ERC2: variants seen among roughly 807,000 people sequenced by gnomAD.
The protein encoded by ERC2 is ELKS/RAB6-interacting/CAST family member 2, also known as ERC protein 2.
Under a neutral mutation model 114.8 loss-of-function variants are expected in ERC2, and 42 were observed. That is an observed-to-expected ratio of 0.37 (90% CI 0.29 to 0.47). The LOEUF (loss-of-function observed/expected upper bound fraction) is 0.47. Among genes scored for constraint, ERC2 ranks in the 20% least tolerant of loss-of-function variants. ERC2 has a pLI of 0.99. For synonymous variants in ERC2, 454 were observed against 425.5 expected (o/e 1.07, Z -0.82); for missense variants, 939 against 1,150.7 (o/e 0.82, Z 2.66).
intron 3 of ERC2, among the ~76,000 whole-genome samples, chr3:56,201,873 G>A (rs988555255): frequency 2.0e-5 from 3 of 152,122 alleles, no homozygotes; most frequent in Middle Eastern, 3.2e-3. Context: ...TGTTTCCAGC[G>A]AATTCTTCTT....
At chr3:55,651,435 A>G (rs2060617708) in intron 17 of ERC2, among the ~76,000 whole-genome samples, 1 of 152,190 alleles carries the variant, frequency 6.6e-6, no homozygotes, top group Admixed American at 6.5e-5. Context: ...GGCCTTCCCC[A>G]AGAGAAACAT....
chr3:56,466,676 A>G (rs1438425695), intron 1 of ERC2, among the ~76,000 whole-genome samples: 1 of 152,224 alleles, frequency 6.6e-6, no homozygotes, highest in Non-Finnish European at 1.5e-5. Context: ...GTTAACTGTC[A>G]GAACTAAAAG....
chr3:55,954,458 C>G lies in ERC2; in HGVS notation c.2268-3898G>C, dbSNP rs1576345075. Among the ~76,000 whole-genome samples the G allele has an allele frequency of 5.3e-5, 8 of 152,304 alleles. 1 individual carries two copies. The highest frequency in any genetic ancestry group is 5.2e-4 in the Admixed American group (8 of 15,298). ...TCAAATTCTAAGAATAAAGTGTTCT[C>G]TAACTTGCTGGTGAGAACGTGTCAG... On this transcript the variant is annotated intron_variant, in intron 12 of 17. Transcript: ENST00000288221.
At chr3:56,373,793 C>T (rs115886957) in intron 2 of ERC2, among the ~76,000 whole-genome samples, 2,148 of 152,234 alleles carry the variant, frequency 0.014, 57 homozygotes, top group African/African-American at 0.048. Context: ...GTTATGTATT[C>T]ATGTGTTTAT....
intron 3 of ERC2, among the ~76,000 whole-genome samples, chr3:56,278,532 TA>T (rs2054154100): frequency 1.3e-5 from 2 of 152,260 alleles, no homozygotes; most frequent in African/African-American, 2.4e-5. Context: ...TGGTGAAGTT[TA>T]AATGAGGACT....
At chr3:55,535,547 C>T (rs2053943962) in intron 17 of ERC2, among the ~76,000 whole-genome samples, 1 of 152,168 alleles carries the variant, frequency 6.6e-6, no homozygotes, top group Non-Finnish European at 1.5e-5. Context: ...TGGTGTGAGC[C>T]ACCGGCAGCA....
At chr3:56,096,427 ACATCACGCT>A (rs1200191301) in intron 6 of ERC2, among the ~76,000 whole-genome samples, 1 of 152,218 alleles carries the variant, frequency 6.6e-6, no homozygotes, top group East Asian at 1.9e-4. Flanking sequence ...CAAAGCCAAG[ACATCACGCT>A]CAGAAGGAGG....
At position 55,539,415 on chromosome 3, in the gene ERC2, CTTTTTTTTTTTT is replaced by C. The variant is rs58749389; in HGVS notation, c.*40-28151_*40-28140del. On this transcript the variant is annotated intron_variant, in intron 17 of 17. Coordinates refer to ENST00000288221, the MANE Select transcript of ERC2 (RefSeq NM_015576.3). ...TCTCTCTCTCTCTCTTTTTTTCTTT[CTTTTTTTTTTTT>C]TTTTTTTTTTTTTTTGATGGAGTCT... Among the ~76,000 whole-genome samples, 6 of 39,106 alleles carry C rather than the reference CTTTTTTTTTTTT, an allele frequency of 1.5e-4. No homozygotes were observed. In the East Asian group the frequency reaches 6.5e-3, roughly 43 times the overall value. The allele number at this position is 39,106 out of a possible 152,430, so 25.7% of individuals were successfully genotyped here. A position where few individuals can be genotyped will look rare whatever the true frequency, so the allele number is the denominator to read the frequency against.
intron 12 of ERC2, among the ~76,000 whole-genome samples, chr3:55,980,735 G>T (rs4974156): frequency 0.086 from 12,885 of 149,422 alleles, 724 homozygotes; most frequent in African/African-American, 0.14. Flanking sequence ...ACAGGGAAAA[G>T]AAAAGGTTTT....
chr3:56,088,825 C>G (rs2149780261), intron 6 of ERC2, among the ~76,000 whole-genome samples: 1 of 152,178 alleles, frequency 6.6e-6, no homozygotes, highest in East Asian at 1.9e-4. Flanking sequence ...ACATGTAAAG[C>G]ACTTAGCATG....
At chr3:56,128,145 C>G (rs73078456) in intron 6 of ERC2, among the ~76,000 whole-genome samples, 1 of 152,072 alleles carries the variant, frequency 6.6e-6, no homozygotes, top group African/African-American at 2.4e-5. Flanking sequence ...CCAACACAAG[C>G]TCTCCTATTC....
At chr3:55,843,113 A>G (rs917658344) in intron 14 of ERC2, among the ~76,000 whole-genome samples, 1 of 152,220 alleles carries the variant, frequency 6.6e-6, no homozygotes, top group Non-Finnish European at 1.5e-5. Flanking sequence ...GGATGTAGCC[A>G]TGTGACTAAG....
chr3:56,293,655 T>C (rs954288418), intron 3 of ERC2, among the ~76,000 whole-genome samples: 1 of 152,208 alleles, frequency 6.6e-6, no homozygotes. Context: ...TGAGCTAAAA[T>C]AAGGGCTACC....
chr3:56,033,864 T>G (rs1404678700), intron 7 of ERC2, among the ~76,000 whole-genome samples: 1 of 152,178 alleles, frequency 6.6e-6, no homozygotes, highest in African/African-American at 2.4e-5. Context: ...GGCATGATCA[T>G]GGCTCACTGT....
intron 3 of ERC2, among the ~76,000 whole-genome samples, chr3:56,267,410 A>T (rs1476731349): frequency 6.6e-6 from 1 of 152,202 alleles, no homozygotes; most frequent in Non-Finnish European, 1.5e-5. Context: ...AATGTTTTTT[A>T]AAAATCAAAT....
intron 14 of ERC2, among the ~76,000 whole-genome samples, chr3:55,887,935 G>A (rs2063424564): frequency 1.3e-5 from 2 of 152,244 alleles, no homozygotes; most frequent in Non-Finnish European, 2.9e-5. Context: ...TTGAGACTCT[G>A]TGAGAGTCAA....
intron 15 of ERC2, among the ~76,000 whole-genome samples, chr3:55,704,701 T>C (rs1026116558): frequency 6.6e-6 from 1 of 152,172 alleles, no homozygotes; most frequent in Admixed American, 6.5e-5. Context: ...CAGGTCACAG[T>C]TGGAGGACAA....
chr3:56,358,082 G>A (rs1331127889), intron 2 of ERC2, among the ~76,000 whole-genome samples: 1 of 152,084 alleles, frequency 6.6e-6, no homozygotes, highest in Non-Finnish European at 1.5e-5. Flanking sequence ...CTCCCTGTGG[G>A]TTGATATGTT....
At chr3:55,845,377 G>A (rs1396578419) in intron 14 of ERC2, among the ~76,000 whole-genome samples, 2 of 151,014 alleles carry the variant, frequency 1.3e-5, no homozygotes, top group Non-Finnish European at 3.0e-5. Flanking sequence ...AGTGGCGGGC[G>A]CCTGTAGTCC....
Sources: gnomAD v4.1 joint callset for allele counts (sites outside exome capture counted in the v4.1 genomes callset) on GRCh38, gnomAD v4.1.1 for gene constraint, MANE v1.5 for transcripts, NCBI Gene and HGNC (gene_info 2026-07-23, HGNC 2026-07-21) for gene names.